PTPRG: variants seen among roughly 807,000 people sequenced by gnomAD.
The protein encoded by PTPRG is protein tyrosine phosphatase receptor type G, also known as receptor-type tyrosine-protein phosphatase gamma.
Under a neutral mutation model 165.3 loss-of-function variants are expected in PTPRG, and 102 were observed. The observed-to-expected ratio is 0.62, with a 90% confidence interval of 0.53 to 0.73. PTPRG has a LOEUF of 0.73. Ranked by LOEUF, PTPRG falls within the 30% of genes least tolerant of loss-of-function variation. The pLI is 0.00. For missense variants in PTPRG, 1,866 were observed against 1,861.4 expected, an observed-to-expected ratio of 1.00 and a Z score of -0.05; for synonymous variants, 675 against 669.5, an observed-to-expected ratio of 1.01 and a Z score of -0.13.
chr3:62,177,520 C>T (rs1559607507), intron 8 of PTPRG, among the ~76,000 whole-genome samples: 1 of 152,200 alleles, frequency 6.6e-6, no homozygotes, highest in African/African-American at 2.4e-5. Context: ...TGCCCTCTTC[C>T]TGTTAGAAGT....
intron 2 of PTPRG, among the ~76,000 whole-genome samples, chr3:61,898,680 T>G (rs2038424383): frequency 6.6e-6 from 1 of 152,216 alleles, no homozygotes; most frequent in Non-Finnish European, 1.5e-5. Flanking sequence ...CTTTTCTTAT[T>G]GAATAAAGCA....
At chr3:61,750,713 T>C (rs978449258) in intron 2 of PTPRG, 3 of 152,254 alleles carry the variant, frequency 2.0e-5, no homozygotes, top group Non-Finnish European at 2.9e-5. Flanking sequence ...CTGGACAGAC[T>C]GGCTGTGCTC....
chr3:62,024,849 T>A (rs2041771007), intron 4 of PTPRG, among the ~76,000 whole-genome samples: 1 of 152,214 alleles, frequency 6.6e-6, no homozygotes, highest in African/African-American at 2.4e-5. Context: ...AATAGGGCTG[T>A]GTTTTGTGAA....
At chr3:61,980,208 G>C (rs561038108) in intron 2 of PTPRG, among the ~76,000 whole-genome samples, 1 of 152,104 alleles carries the variant, frequency 6.6e-6, no homozygotes. Context: ...TTTGCTCTCT[G>C]GGTTGCATCT....
At chr3:61,856,645 A>T (rs1237144490) in intron 2 of PTPRG, among the ~76,000 whole-genome samples, 1 of 152,184 alleles carries the variant, frequency 6.6e-6, no homozygotes, top group Non-Finnish European at 1.5e-5. Flanking sequence ...ATCCCTCTGC[A>T]ACTAGCTTTT....
In PTPRG at chr3:62,293,467, A is replaced by G. The variant is rs1276274629; in HGVS notation, c.*160A>G. ...TTTTGCCATTTTATGTCTTAATGGT[A>G]TCCTACTGAGCATTTGCACCTCTGT... On this transcript the variant is annotated 3_prime_UTR_variant, in exon 30 of 30. Transcript: ENST00000474889. 1.7e-6 allele frequency: 1 copy of G among 578,280 alleles called. No homozygotes were observed. The highest frequency in any genetic ancestry group is 2.8e-6 in the Non-Finnish European group (1 of 354,462). 35.8% of individuals were successfully genotyped at this position (578,280 alleles called of 1,614,324 possible). A position where few individuals can be genotyped will look rare whatever the true frequency, so the allele number is the denominator to read the frequency against.
At chr3:62,045,263 A>T (rs1290746732) in intron 4 of PTPRG, among the ~76,000 whole-genome samples, 4 of 152,184 alleles carry the variant, frequency 2.6e-5, no homozygotes, top group Non-Finnish European at 5.9e-5. Flanking sequence ...TTTATCTCTG[A>T]GTTTACTTCC....
intron 1 of PTPRG, among the ~76,000 whole-genome samples, chr3:61,660,252 AAAG>A (rs1436200157): frequency 6.6e-6 from 1 of 152,220 alleles, no homozygotes; most frequent in South Asian, 2.1e-4. Context: ...AAAAAAGCAC[AAAG>A]AATGAAATTC....
rs79173396 is a variant in PTPRG, at chr3:61,861,661, G to A, written c.190+112679G>A. 5.3e-4 allele frequency among the ~76,000 whole-genome samples: 81 copies of A among 152,286 alleles called. No homozygotes were observed. The East Asian group carries it at 0.013, about 24-fold the overall frequency. ...CACAATAGTTTTCACAAGCCTGATA[G>A]GAAGGCCTAGAGTGGTGTTAATTAG... is the stretch of plus-strand genomic sequence containing the variant. On this transcript the variant is annotated intron_variant, in intron 2 of 29. Transcript: ENST00000474889.
At chr3:61,992,930 A>G (rs2040932266) in intron 3 of PTPRG, among the ~76,000 whole-genome samples, 1 of 151,714 alleles carries the variant, frequency 6.6e-6, no homozygotes. Flanking sequence ...GCCTCCCAAA[A>G]TGCTAGGATT....
At chr3:62,083,150 T>TA (rs1297006195) in intron 5 of PTPRG, among the ~76,000 whole-genome samples, 1 of 152,192 alleles carries the variant, frequency 6.6e-6, no homozygotes, top group African/African-American at 2.4e-5. Context: ...TTTGTTAAAG[T>TA]AAAACTTCTG....
rs561306669 is a variant in PTPRG at position 61,703,345 on chromosome 3, G to A, written c.86-45533G>A. Among the ~76,000 whole-genome samples, 16 of 152,270 alleles carry A rather than the reference G, an allele frequency of 1.1e-4. No homozygotes were observed. The South Asian group carries it at 3.3e-3, about 32-fold the overall frequency. Reference sequence around the variant, plus strand: ...TATCAGTATTGATTTAGCCGAAAGGGTTGTAAAGAAATCAGTTACAGTAAT... The same window carrying A: ...TATCAGTATTGATTTAGCCGAAAGGATTGTAAAGAAATCAGTTACAGTAAT... On this transcript the variant is annotated intron_variant, in intron 1 of 29. Transcript: ENST00000474889.
rs1702267259 is a variant in PTPRG at position 62,277,447 on chromosome 3, T to C, written c.3637-104T>C. ...CGAATGCCTTTCTCAATTATTTTAG[T>C]GTAGTCAAAACAGTGCTATCTTATT... On this transcript the variant is annotated intron_variant, in intron 25 of 29. Transcript: ENST00000474889. 2.4e-6 allele frequency: 3 copies of C among 1,270,854 alleles called. No homozygotes were observed. The East Asian group carries it at 7.2e-5, about 30-fold the overall frequency. 78.7% of individuals were successfully genotyped at this position (1,270,854 alleles called of 1,614,324 possible).
At chr3:61,615,262 G>C (rs530481014) in intron 1 of PTPRG, among the ~76,000 whole-genome samples, 1 of 152,318 alleles carries the variant, frequency 6.6e-6, no homozygotes, top group Non-Finnish European at 1.5e-5. Context: ...TTAGAATCAC[G>C]TGTCTGTTGT....
intron 5 of PTPRG, among the ~76,000 whole-genome samples, chr3:62,097,856 C>G (rs1702168239): frequency 6.6e-6 from 1 of 152,106 alleles, no homozygotes; most frequent in African/African-American, 2.4e-5. Context: ...GAAGAGGAAG[C>G]ATTTGAGATT....
intron 3 of PTPRG, 108 bp downstream of exon 3, chr3:61,989,912 TGG>T: frequency 8.1e-7 from 1 of 1,230,088 alleles, no homozygotes; most frequent in Non-Finnish European, 1.1e-6. Flanking sequence ...CACATTGCTG[TGG>T]GGAGCCTAAA....
intron 7 of PTPRG, among the ~76,000 whole-genome samples, chr3:62,161,938 T>C (rs1704781515): frequency 6.6e-6 from 1 of 152,250 alleles, no homozygotes; most frequent in Non-Finnish European, 1.5e-5. Flanking sequence ...TTCCAGTTTC[T>C]AGTTAGTATC....
chr3:62,147,287 G>T (rs980691472), intron 6 of PTPRG, among the ~76,000 whole-genome samples: 7 of 152,162 alleles, frequency 4.6e-5, no homozygotes, highest in African/African-American at 1.7e-4. Context: ...GGTAAACTGA[G>T]GCTAGAGAAC....
In PTPRG at chr3:61,950,344, T is replaced by C. The variant is rs1370267991; in HGVS notation, c.191-39281T>C. 2.0e-5 allele frequency among the ~76,000 whole-genome samples: 3 copies of C among 152,230 alleles called. No individual in the cohort carries two copies. The East Asian group carries it at 5.8e-4, about 29-fold the overall frequency. The stretch of plus-strand genomic sequence containing the variant: ...CCTATGCCTCCAAATTGTCTTTTTC[T>C]GAATGCTTGATTGTGAGAACTTCTG... On this transcript the variant is annotated intron_variant, in intron 2 of 29. Transcript: ENST00000474889.
Sources: gnomAD v4.1 joint callset for allele counts (sites outside exome capture counted in the v4.1 genomes callset) on GRCh38, gnomAD v4.1.1 for gene constraint, MANE v1.5 for transcripts, NCBI Gene and HGNC (gene_info 2026-07-23, HGNC 2026-07-21) for gene names.